XPO4: variants seen among roughly 807,000 people sequenced by gnomAD.
The protein encoded by XPO4 is exportin 4.
XPO4 carries 39 observed loss-of-function variants against 143.0 expected under a neutral mutation model. That is an observed-to-expected ratio of 0.27 (90% CI 0.21 to 0.36). The LOEUF (loss-of-function observed/expected upper bound fraction) is 0.36, where lower values mean the gene tolerates loss of function less well. XPO4 is among the 10% of genes least tolerant of loss of function. The pLI, the probability that XPO4 is intolerant of heterozygous loss-of-function variation, is 1.00. For synonymous variants in XPO4, 439 were observed against 474.0 expected, an observed-to-expected ratio of 0.93 and a Z score of 0.96; for missense variants, 907 against 1,348.0, an observed-to-expected ratio of 0.67 and a Z score of 5.12.
Position 20,809,087 on chromosome 13 carries a change from T to C in XPO4, c.1489A>G (p.Thr497Ala), listed in dbSNP as rs1233187544. The change falls in exon 11 of 23, where the codon ACA (threonine) becomes GCA (alanine). Residue 497 changes from threonine to alanine, a missense_variant. Coordinates refer to ENST00000255305, the MANE Select transcript of XPO4 (RefSeq NM_022459.5). ...IAAEHCIPLL[T>A]SLLEERVTRL... ...GTTTCTTTGGACTGTGTGTACCTTG[T>C]CAGAAGAGGTATACAGTGTTCTGCA... 2 of 1,613,416 alleles carry C rather than the reference T, an allele frequency of 1.2e-6. No individual in the cohort carries two copies. Among genetic ancestry groups the C allele is most frequent in the African/African-American group, 2.7e-5 (2 of 74,904 alleles).
chr13:20,826,531 G>C (rs139760066), intron 7 of XPO4, among the ~76,000 whole-genome samples: 3 of 152,312 alleles, frequency 2.0e-5, no homozygotes, highest in East Asian at 1.9e-4. Context: ...CACGATGTGC[G>C]ATACTGCAAC....
intron 1 of XPO4, among the ~76,000 whole-genome samples, chr13:20,893,468 G>A (rs1410942971): frequency 1.3e-5 from 2 of 152,152 alleles, no homozygotes; most frequent in African/African-American, 2.4e-5. Context: ...GGCCAAGCAC[G>A]GTGGCTCATG....
chr13:20,852,494 T>A, intron 4 of XPO4: 5 of 985,348 alleles, frequency 5.1e-6, no homozygotes, highest in Non-Finnish European at 4.8e-6. Flanking sequence ...TCGAACAAAT[T>A]CATAGAAATG....
In XPO4 at chr13:20,882,359, G is replaced by A. The variant is rs143262129; in HGVS notation, c.70-13658C>T. Among the ~76,000 whole-genome samples the A allele has an allele frequency of 1.2e-4, 19 of 152,080 alleles. No homozygotes were observed. In the East Asian group the frequency reaches 3.3e-3, roughly 26 times the overall value. On this transcript the variant is annotated intron_variant, in intron 1 of 22. Coordinates refer to ENST00000255305, the MANE Select transcript of XPO4 (RefSeq NM_022459.5). The stretch of plus-strand genomic sequence containing the variant: ...GGTGAGACCAAGAGCTTTCAATCAC[G>A]GCAGAGGGCAAAGGGAGAGCCAGCA...
At chr13:20,808,651 A>AT (rs1259298012) in intron 11 of XPO4, 70 bp from the exon 12 acceptor site, 20 of 1,310,016 alleles carry the variant, frequency 1.5e-5, no homozygotes, top group Non-Finnish European at 4.1e-6. Flanking sequence ...TACAACTTCC[A>AT]TATATTAGAC....
chr13:20,783,978 T>C, intron 22 of XPO4, 59 bp from the exon 23 acceptor site: 8 of 1,548,230 alleles, frequency 5.2e-6, no homozygotes, highest in Non-Finnish European at 6.2e-6. Flanking sequence ...CAAGTAGATC[T>C]TATCAGTTAC....
At chr13:20,798,074 T>A (rs1025553551) in intron 16 of XPO4, among the ~76,000 whole-genome samples, 11 of 151,530 alleles carry the variant, frequency 7.3e-5, no homozygotes, top group African/African-American at 2.7e-4. Flanking sequence ...ACCCAGGAGG[T>A]GGAGGTTGCA....
At chr13:20,790,894 TAATC>T (rs1293867519) in intron 18 of XPO4, among the ~76,000 whole-genome samples, 1 of 152,164 alleles carries the variant, frequency 6.6e-6, no homozygotes, top group Non-Finnish European at 1.5e-5. Flanking sequence ...AACTAATGCT[TAATC>T]AATGTTTTGA....
chr13:20,870,721 C>T (rs900814557), intron 1 of XPO4, among the ~76,000 whole-genome samples: 5 of 133,670 alleles, frequency 3.7e-5, no homozygotes, highest in Admixed American at 7.3e-5. Flanking sequence ...CAGAGTAAGA[C>T]TCTGCCTCAA....
chr13:20,788,050 TTTTTTTG>T (rs1235847926), intron 20 of XPO4, among the ~76,000 whole-genome samples: 4 of 129,940 alleles, frequency 3.1e-5, no homozygotes, highest in African/African-American at 1.3e-4. Flanking sequence ...CAGTTTTTTG[TTTTTTTG>T]TTTTTTTTTT....
intron 4 of XPO4, chr13:20,850,782 C>CA: frequency 1.0e-6 from 1 of 985,044 alleles, no homozygotes; most frequent in Non-Finnish European, 1.2e-6. Context: ...ACAAAACAAA[C>CA]AAATGAAACC....
rs373015645 is a variant in XPO4 at position 20,822,282 on chromosome 13, C to T, written c.848G>A (p.Arg283Gln). The change falls in exon 8 of 23, where the codon CGA becomes CAA. Residue 283 changes from arginine (R) to glutamine (Q), a missense_variant. Transcript: ENST00000255305. ...RVMELFFTVH[R>Q]KIREDSDMAQ... ...CATATCTGAATCTTCTCTGATTTTT[C>T]GATGTACCTGTTAGAAAGAATTACT... is the stretch of plus-strand genomic sequence containing the variant. 3.9e-5 allele frequency: 63 copies of T among 1,611,636 alleles called. No homozygotes were observed. In the Middle Eastern group the frequency reaches 1.2e-3, roughly 30 times the overall value.
At chr13:20,896,539 G>C (rs1033203468) in intron 1 of XPO4, among the ~76,000 whole-genome samples, 1 of 152,082 alleles carries the variant, frequency 6.6e-6, no homozygotes, top group African/African-American at 2.4e-5. Flanking sequence ...GCTGATCACT[G>C]CTGATATAAA....
At position 20,800,947 on chromosome 13, in the gene XPO4, C is replaced by A; in HGVS notation, c.1861G>T (p.Ala621Ser). 1 of 1,613,970 alleles carries A rather than the reference C, an allele frequency of 6.2e-7. No individual in the cohort carries two copies. Among genetic ancestry groups the A allele is most frequent in the Non-Finnish European group, 8.5e-7 (1 of 1,179,960 alleles). Residue 621 changes from alanine to serine, a missense_variant, in exon 14 of 23, where the codon GCA (alanine) becomes TCA (serine). Transcript: ENST00000255305. ...AGATGAGTGAGATCTGCTCTTATTG[C>A]TCGAGATTCAACTTCTGAAACTCTG... ...ILRVSEVESR[A>S]IRADLTHLLS...
intron 1 of XPO4, among the ~76,000 whole-genome samples, chr13:20,882,595 C>G (rs1022490600): frequency 6.6e-6 from 1 of 151,976 alleles, no homozygotes; most frequent in African/African-American, 2.4e-5. Context: ...CATAAAGAGT[C>G]TAGGAGAATT....
At chr13:20,889,854 T>C (rs910637271) in intron 1 of XPO4, among the ~76,000 whole-genome samples, 7 of 139,524 alleles carry the variant, frequency 5.0e-5, no homozygotes, top group African/African-American at 1.7e-4. Context: ...TAGGTGTATA[T>C]ATAAAGTTAA....
rs563805232 is a variant in XPO4 at position 20,865,298 on chromosome 13, C to T, written c.176-2440G>A. 1.2e-3 allele frequency: 221 copies of T among 189,694 alleles called. 1 individual carries two copies. Among genetic ancestry groups the T allele is most frequent in the African/African-American group, 4.8e-3 (202 of 42,220 alleles). 11.8% of individuals were successfully genotyped at this position (189,694 alleles called of 1,614,324 possible). A position where few individuals can be genotyped will look rare whatever the true frequency, so the allele number is the denominator to read the frequency against. On this transcript the variant is annotated intron_variant, in intron 2 of 22. Coordinates refer to ENST00000255305, the MANE Select transcript of XPO4 (RefSeq NM_022459.5). ...GGAATACAGGCATGTGCCACCACAC[C>T]GGCTAATTTTGTATTTTTAGTAGAG...
At chr13:20,788,370 GAAATA>G in intron 20 of XPO4, 111 bp downstream of exon 20, 1 of 1,406,616 alleles carries the variant, frequency 7.1e-7, no homozygotes, top group East Asian at 2.7e-5. Flanking sequence ...GGTTTTTTAA[GAAATA>G]AAATTGAACC....
At chr13:20,798,831 C>T (rs143292952) in intron 16 of XPO4, among the ~76,000 whole-genome samples, 5,193 of 151,888 alleles carry the variant, frequency 0.034, 135 homozygotes, top group Non-Finnish European at 0.054. Flanking sequence ...ACCAGCCTGG[C>T]CAACATGGCA....
Sources: gnomAD v4.1 joint callset for allele counts (sites outside exome capture counted in the v4.1 genomes callset) on GRCh38, gnomAD v4.1.1 for gene constraint, MANE v1.5 for transcripts, NCBI Gene and HGNC (gene_info 2026-07-23, HGNC 2026-07-21) for gene names.